The following HDAC2 variants were observed in gnomAD, a reference collection of about 807,000 sequenced individuals.
HDAC2 encodes the protein histone deacetylase 2, also known as YY1-associated factor 1.
A neutral mutation model predicts 68.5 loss-of-function variants in HDAC2; 5 were observed. The ratio of observed to expected loss-of-function variants is 0.07; its 90% confidence interval spans 0.04 to 0.15. The LOEUF is 0.15. Among genes scored for constraint, HDAC2 ranks in the 10% least tolerant of loss-of-function variants. The pLI is 1.00. For missense variants in HDAC2, 291 were observed against 600.8 expected (o/e 0.48, Z 5.39); for synonymous variants, 182 against 191.3 (o/e 0.95, Z 0.40).
Position 113,959,768 on chromosome 6 carries a change from G to A in HDAC2, c.165+138C>T, listed in dbSNP as rs1340849948. The A allele has an allele frequency of 1.4e-5, 8 of 572,926 alleles. 1 individual carries two copies. The highest frequency in any genetic ancestry group is 1.2e-4 in the South Asian group (5 of 43,112). 35.5% of individuals were successfully genotyped at this position (572,926 alleles called of 1,614,324 possible). A position where few individuals can be genotyped will look rare whatever the true frequency, so the allele number is the denominator to read the frequency against. ...TCTTATTCATCTCCTAAGAATAAAC[G>A]AAAAAAGAAGTTTGTTTTCTTCCAG... On this transcript the variant is annotated intron_variant, in intron 2 of 13. Coordinates refer to ENST00000519065, the MANE Select transcript of HDAC2 (RefSeq NM_001527.4).
chr6:113,936,668 C>A lies in HDAC2; in HGVS notation c.*4390G>T. ...AAAAATTTAACACTTCCCCTGGCAC[C>A]ACTCTCACCCATCTATCTACCTTTA... On this transcript the variant is annotated 3_prime_UTR_variant, in exon 14 of 14. Coordinates refer to ENST00000519065, the MANE Select transcript of HDAC2 (RefSeq NM_001527.4). 1 of 152,330 alleles carries A rather than the reference C, an allele frequency of 6.6e-6. No homozygotes were observed. 9.4% of individuals were successfully genotyped at this position (152,330 alleles called of 1,614,324 possible).
rs1173097797 is a variant in HDAC2 at position 113,939,502 on chromosome 6, T to C, written c.*1556A>G. 1.3e-5 allele frequency: 2 copies of C among 152,202 alleles called. No homozygotes were observed. Among genetic ancestry groups the C allele is most frequent in the African/African-American group, 4.8e-5 (2 of 41,452 alleles). The allele number at this position is 152,202 out of a possible 1,614,324, so 9.4% of individuals were successfully genotyped here. A position where few individuals can be genotyped will look rare whatever the true frequency, so the allele number is the denominator to read the frequency against. ...GAATTGTCCAAATACATACCATCTA[T>C]GTTTCACAAACACTAAATACATTTC... On this transcript the variant is annotated 3_prime_UTR_variant, in exon 14 of 14. Transcript: ENST00000519065.
chr6:113,963,420 T>C (rs1196717734), intron 1 of HDAC2, among the ~76,000 whole-genome samples: 1 of 152,186 alleles, frequency 6.6e-6, no homozygotes, highest in African/African-American at 2.4e-5. Flanking sequence ...TAAGAAGTTT[T>C]AAGACCCTAC....
chr6:113,965,368 G>A (rs201834950), intron 1 of HDAC2, among the ~76,000 whole-genome samples: 1 of 144,322 alleles, frequency 6.9e-6, no homozygotes, highest in East Asian at 2.0e-4. Flanking sequence ...TACTTTTTTT[G>A]TTTTTTTTTT....
In HDAC2 at chr6:113,940,825, C is replaced by T; in HGVS notation, c.*233G>A. ...GTTTTTTTGACATAATAACTCACATCAATTTTAAATACTATCACATAAAGC... is the reference window on the plus strand; with the variant it reads ...GTTTTTTTGACATAATAACTCACATTAATTTTAAATACTATCACATAAAGC... On this transcript the variant is annotated 3_prime_UTR_variant, in exon 14 of 14. Transcript: ENST00000519065. The T allele has an allele frequency of 2.5e-6, 1 of 398,042 alleles. No homozygotes were observed. Among genetic ancestry groups the T allele is most frequent in the African/African-American group, 2.1e-5 (1 of 48,538 alleles). 24.7% of individuals were successfully genotyped at this position (398,042 alleles called of 1,614,324 possible). A position where few individuals can be genotyped will look rare whatever the true frequency, so the allele number is the denominator to read the frequency against.
At position 113,971,085 on chromosome 6, in the gene HDAC2, A is replaced by G; in HGVS notation, c.-177T>C. 2 of 1,538,588 alleles carry G rather than the reference A, an allele frequency of 1.3e-6. No individual in the cohort carries two copies. The highest frequency in any genetic ancestry group is 1.8e-6 in the Non-Finnish European group (2 of 1,138,768). ...GGGGGCGCCGGGAAGGCTCGGTACC[A>G]CCCGGCAGAGGTGCCGAAAGCTCGG... is the stretch of plus-strand genomic sequence containing the variant. On this transcript the variant is annotated 5_prime_UTR_variant, in exon 1 of 14. Coordinates refer to ENST00000519065, the MANE Select transcript of HDAC2 (RefSeq NM_001527.4).
At chr6:113,962,819 C>G (rs1056585661) in intron 1 of HDAC2, among the ~76,000 whole-genome samples, 3 of 151,310 alleles carry the variant, frequency 2.0e-5, no homozygotes, top group Non-Finnish European at 4.4e-5. Flanking sequence ...AAAAAAAAAG[C>G]CAGGTGTGGT....
intron 1 of HDAC2, chr6:113,970,642 CG>C: frequency 1.5e-6 from 2 of 1,347,948 alleles, no homozygotes; most frequent in Non-Finnish European, 1.9e-6. Flanking sequence ...ACAAGACGGG[CG>C]GGCCCCCTGA....
rs572543251 is a variant in HDAC2 at position 113,949,428 on chromosome 6, CAACA to C, written c.640-172_640-169del. On this transcript the variant is annotated intron_variant, in intron 6 of 13. Coordinates refer to ENST00000519065, the MANE Select transcript of HDAC2 (RefSeq NM_001527.4). ...TCAAACTGAGAAAGGAAATAATAAA[CAACA>C]AATAAGTATATGCTCCAATATTTAT... The C allele has an allele frequency of 5.5e-3, 3,341 of 610,138 alleles. 18 individuals are homozygous for C. Among genetic ancestry groups the C allele is most frequent in the Middle Eastern group, 0.014 (32 of 2,256 alleles). 37.8% of individuals were successfully genotyped at this position (610,138 alleles called of 1,614,324 possible).
chr6:113,959,037 A>G (rs1776619181), intron 2 of HDAC2, among the ~76,000 whole-genome samples: 1 of 152,110 alleles, frequency 6.6e-6, no homozygotes, highest in Non-Finnish European at 1.5e-5. Flanking sequence ...GTTCGAGTAA[A>G]AAGTCAAATC....
In HDAC2 at chr6:113,941,014, A is replaced by G. The variant is rs1562139196; in HGVS notation, c.*44T>C. 2 of 1,496,314 alleles carry G rather than the reference A, an allele frequency of 1.3e-6. No individual in the cohort carries two copies. Among genetic ancestry groups the G allele is most frequent in the Non-Finnish European group, 9.3e-7 (1 of 1,078,976 alleles). The allele number at this position is 1,496,314 out of a possible 1,614,324, so 92.7% of individuals were successfully genotyped here. Reference sequence around the variant, plus strand: ...AAAAAGAAAACATTTTCCTTTCAATATTTTCTTTTTAATGATTTTCTGAAA... The same window carrying G: ...AAAAAGAAAACATTTTCCTTTCAATGTTTTCTTTTTAATGATTTTCTGAAA... On this transcript the variant is annotated 3_prime_UTR_variant, in exon 14 of 14. Coordinates refer to ENST00000519065, the MANE Select transcript of HDAC2 (RefSeq NM_001527.4).
chr6:113,963,349 G>A (rs558818608), intron 1 of HDAC2, among the ~76,000 whole-genome samples: 1 of 152,204 alleles, frequency 6.6e-6, no homozygotes, highest in African/African-American at 2.4e-5. Flanking sequence ...CTCCCAAAGT[G>A]CTGGGATTAC....
At chr6:113,970,440 G>T in intron 1 of HDAC2, 8 of 1,031,542 alleles carry the variant, frequency 7.8e-6, no homozygotes, top group Non-Finnish European at 7.0e-6. Flanking sequence ...CGCGGGGGAC[G>T]GGTCGAGGGG....
chr6:113,950,449 C>T (rs367892251), intron 6 of HDAC2, among the ~76,000 whole-genome samples: 6 of 151,670 alleles, frequency 4.0e-5, no homozygotes, highest in African/African-American at 1.2e-4. Context: ...GGCATGATCT[C>T]GGCTCACTGC....
rs1267237717 is a variant in HDAC2 at position 113,938,839 on chromosome 6, G to A, written c.*2219C>T. ...TTACTGATTTCTGTTTATTAATGCT[G>A]TACCAAATCACCTTGCTGAAATTGC... On this transcript the variant is annotated 3_prime_UTR_variant, in exon 14 of 14. Coordinates refer to ENST00000519065, the MANE Select transcript of HDAC2 (RefSeq NM_001527.4). 2 of 152,064 alleles carry A rather than the reference G, an allele frequency of 1.3e-5. No homozygotes were observed. The highest frequency in any genetic ancestry group is 1.5e-5 in the Non-Finnish European group (1 of 68,008). 9.4% of individuals were successfully genotyped at this position (152,064 alleles called of 1,614,324 possible).
At chr6:113,962,637 G>C (rs938183470) in intron 1 of HDAC2, among the ~76,000 whole-genome samples, 4 of 152,134 alleles carry the variant, frequency 2.6e-5, no homozygotes, top group African/African-American at 9.7e-5. Context: ...TGTATACAGG[G>C]CAGCCAAGCT....
chr6:113,969,069 C>T (rs534110418), intron 1 of HDAC2, among the ~76,000 whole-genome samples: 2 of 152,312 alleles, frequency 1.3e-5, no homozygotes, highest in African/African-American at 4.8e-5. Flanking sequence ...TACAAATTAA[C>T]TTATACGCAG....
rs1448617358 is a variant in HDAC2 at position 113,941,139 on chromosome 6, A to C, written c.1437-51T>G. 2.9e-6 allele frequency: 4 copies of C among 1,397,036 alleles called. No homozygotes were observed. In the Admixed American group the frequency reaches 7.1e-5, roughly 25 times the overall value. The allele number at this position is 1,397,036 out of a possible 1,614,324, so 86.5% of individuals were successfully genotyped here. ...TTAAAAATGGCACAATCTTGGTTTA[A>C]ATGCACTGACCTATTATATTGATCA... is the stretch of plus-strand genomic sequence containing the variant. On this transcript the variant is annotated intron_variant, in intron 13 of 13. Transcript: ENST00000519065.
In HDAC2 at chr6:113,943,339, A is replaced by C; in HGVS notation, c.1378+12T>G. The C allele has an allele frequency of 6.3e-7, 1 of 1,586,814 alleles. No individual in the cohort carries two copies. Among genetic ancestry groups the C allele is most frequent in the Non-Finnish European group, 8.5e-7 (1 of 1,170,174 alleles). On this transcript the variant is annotated intron_variant, in intron 12 of 13. Coordinates refer to ENST00000519065, the MANE Select transcript of HDAC2 (RefSeq NM_001527.4). ...TACAATTAAAACACAATTACCAAGA[A>C]ACAAATCTGACCTGTTTTTTTGTCC...
Sources: gnomAD v4.1 joint callset for allele counts (sites outside exome capture counted in the v4.1 genomes callset) on GRCh38, gnomAD v4.1.1 for gene constraint, MANE v1.5 for transcripts, NCBI Gene and HGNC (gene_info 2026-07-23, HGNC 2026-07-21) for gene names.